The following SLC35F1 variants were observed in gnomAD, a reference collection of about 807,000 sequenced individuals.
SLC35F1 encodes solute carrier family 35 member F1, also known as chromosome 6 open reading frame 169.
In SLC35F1, 14 loss-of-function variants were observed where a neutral mutation model predicts 48.7. The observed-to-expected ratio is 0.29, with a 90% CI of 0.19 to 0.45. The LOEUF (loss-of-function observed/expected upper bound fraction) is 0.45, where lower values mean the gene tolerates loss of function less well. SLC35F1 is among the 20% of genes least tolerant of loss of function. The probability of loss-of-function intolerance (pLI) is 1.00; values close to 1 mark genes in which losing one functional copy is unlikely to be tolerated. For synonymous variants in SLC35F1, 190 were observed against 202.2 expected (o/e 0.94, Z 0.51); for missense variants, 404 against 500.0 (o/e 0.81, Z 1.83).
In SLC35F1 at chr6:118,070,691, CT is replaced by C. The variant is rs946017224; in HGVS notation, c.174-83746del. Among the ~76,000 whole-genome samples, 9 of 150,688 alleles carry C rather than the reference CT, an allele frequency of 6.0e-5. No homozygotes were observed. The East Asian group carries it at 1.4e-3, about 23-fold the overall frequency. ...AAATAATATGTCTTTCTTGCTATTT[CT>C]TTTTTTTAAATTTTAGACATCATCT... On this transcript the variant is annotated intron_variant, in intron 1 of 7. Transcript: ENST00000360388.
At chr6:118,085,336 C>T (rs1772971400) in intron 1 of SLC35F1, among the ~76,000 whole-genome samples, 1 of 151,976 alleles carries the variant, frequency 6.6e-6, no homozygotes. Flanking sequence ...GACCAAATCC[C>T]CTTGGATTTT....
chr6:117,970,278 T>C (rs1292203808), intron 1 of SLC35F1, among the ~76,000 whole-genome samples: 1 of 152,204 alleles, frequency 6.6e-6, no homozygotes, highest in Non-Finnish European at 1.5e-5. Flanking sequence ...CTCCTGACTA[T>C]AGTGATGATA....
chr6:118,240,988 AG>A (rs2114591082), intron 3 of SLC35F1, among the ~76,000 whole-genome samples: 1 of 152,334 alleles, frequency 6.6e-6, no homozygotes, highest in African/African-American at 2.4e-5. Flanking sequence ...TTAATCTGCA[AG>A]GTAATGTGAC....
chr6:118,147,514 G>C (rs1773992114), intron 1 of SLC35F1, among the ~76,000 whole-genome samples: 2 of 152,160 alleles, frequency 1.3e-5, no homozygotes, highest in Non-Finnish European at 2.9e-5. Flanking sequence ...GGGAGCATAA[G>C]AAGTGTCATA....
chr6:118,183,787 T>A (rs927977913), intron 2 of SLC35F1, among the ~76,000 whole-genome samples: 4 of 152,206 alleles, frequency 2.6e-5, no homozygotes, highest in African/African-American at 7.2e-5. Context: ...TAATTTAACA[T>A]TAGCAGAAGC....
chr6:118,139,993 G>A (rs1773859625), intron 1 of SLC35F1, among the ~76,000 whole-genome samples: 1 of 151,998 alleles, frequency 6.6e-6, no homozygotes. Context: ...TTTCCCTTTA[G>A]TGGAACTTTA....
intron 1 of SLC35F1, among the ~76,000 whole-genome samples, chr6:117,919,037 A>G (rs2114799090): frequency 6.6e-6 from 1 of 152,276 alleles, no homozygotes; most frequent in Admixed American, 6.5e-5. Context: ...CTAAGACTAC[A>G]GGTGTGCACC....
rs558694972 is a variant in SLC35F1, at chr6:117,999,293, C to T, written c.173+91394C>T. 87 of 1,596,016 alleles carry T rather than the reference C, an allele frequency of 5.5e-5. No individual in the cohort carries two copies. In the East Asian group the frequency reaches 6.9e-4, roughly 13 times the overall value. On this transcript the variant is annotated intron_variant, in intron 1 of 7. Transcript: ENST00000360388. Reference sequence around the variant, plus strand: ...CGTTGCCCACCCCAAGCTTGGGAAGCGTGCTCTTGCCCGTATTGCCAAGGG... The same window carrying T: ...CGTTGCCCACCCCAAGCTTGGGAAGTGTGCTCTTGCCCGTATTGCCAAGGG...
chr6:117,911,578 G>A (rs574976428), intron 1 of SLC35F1, among the ~76,000 whole-genome samples: 1 of 151,852 alleles, frequency 6.6e-6, no homozygotes, highest in Admixed American at 6.6e-5. Flanking sequence ...TGGGAATACA[G>A]GTGCACACCA....
intron 1 of SLC35F1, among the ~76,000 whole-genome samples, chr6:117,997,974 A>T (rs1187851202): frequency 6.6e-6 from 1 of 150,704 alleles, no homozygotes; most frequent in Non-Finnish European, 1.5e-5. Flanking sequence ...AAAGACACAG[A>T]CTGGCAAATT....
intron 1 of SLC35F1, among the ~76,000 whole-genome samples, chr6:118,071,009 C>T (rs1314703821): frequency 8.2e-5 from 8 of 97,190 alleles, no homozygotes; most frequent in African/African-American, 3.1e-4. Flanking sequence ...TATATATATA[C>T]ACGTAGTATA....
chr6:118,109,630 G>A (rs1290591462), intron 1 of SLC35F1, among the ~76,000 whole-genome samples: 1 of 151,242 alleles, frequency 6.6e-6, no homozygotes, highest in Non-Finnish European at 1.5e-5. Context: ...GTAAGACCTT[G>A]GAGAATAAAC....
chr6:117,958,576 ATACT>A (rs1263957203), intron 1 of SLC35F1, among the ~76,000 whole-genome samples: 1 of 152,178 alleles, frequency 6.6e-6, no homozygotes, highest in Non-Finnish European at 1.5e-5. Flanking sequence ...AGATACACAA[ATACT>A]TACCATTGTG....
chr6:118,143,116 C>A (rs1207600989), intron 1 of SLC35F1, among the ~76,000 whole-genome samples: 2 of 152,068 alleles, frequency 1.3e-5, no homozygotes, highest in African/African-American at 2.4e-5. Flanking sequence ...ACATTTCAAG[C>A]ATAAAAATGT....
At chr6:118,081,095 A>C (rs1772900105) in intron 1 of SLC35F1, among the ~76,000 whole-genome samples, 1 of 152,070 alleles carries the variant, frequency 6.6e-6, no homozygotes, top group Non-Finnish European at 1.5e-5. Flanking sequence ...GTCACATTAA[A>C]TCTTCCCTTT....
chr6:118,056,309 T>C (rs535444351), intron 1 of SLC35F1, among the ~76,000 whole-genome samples: 76 of 152,326 alleles, frequency 5.0e-4, no homozygotes, highest in African/African-American at 1.8e-3. Flanking sequence ...AACAATATCC[T>C]TTTATTTTCA....
At chr6:118,112,082 C>CTTTTCTTTTCT (rs1169093414) in intron 1 of SLC35F1, among the ~76,000 whole-genome samples, 20 of 131,806 alleles carry the variant, frequency 1.5e-4, no homozygotes, top group African/African-American at 5.4e-4. Context: ...TTCTTTATTT[C>CTTTTCTTTTCT]TTTCTTTTCT....
chr6:118,191,624 A>C (rs530790704), intron 2 of SLC35F1, among the ~76,000 whole-genome samples: 1 of 152,288 alleles, frequency 6.6e-6, no homozygotes, highest in Admixed American at 6.5e-5. Flanking sequence ...TCTTTCTCTT[A>C]TGTTCTCAGA....
chr6:118,079,458 G>A (rs1772873285), intron 1 of SLC35F1, among the ~76,000 whole-genome samples: 1 of 152,176 alleles, frequency 6.6e-6, no homozygotes, highest in Admixed American at 6.5e-5. Context: ...TATTGCTGCT[G>A]TGAATATAGG....
Sources: gnomAD v4.1 joint callset for allele counts (sites outside exome capture counted in the v4.1 genomes callset) on GRCh38, gnomAD v4.1.1 for gene constraint, MANE v1.5 for transcripts, NCBI Gene and HGNC (gene_info 2026-07-23, HGNC 2026-07-21) for gene names.